The following CDH23 variants were observed in gnomAD, a reference collection of about 807,000 sequenced individuals.
The protein encoded by CDH23 is cadherin-23.
A neutral mutation model predicts 317.1 loss-of-function variants in CDH23; 189 were observed. The ratio of observed to expected loss-of-function variants is 0.60; its 90% CI spans 0.53 to 0.67. CDH23 has a LOEUF of 0.67. CDH23 is among the 30% of genes least tolerant of loss of function. The pLI, the probability that CDH23 is intolerant of heterozygous loss-of-function variation, is 0.00. For synonymous variants in CDH23, 1,839 were observed against 1,876.8 expected (o/e 0.98, Z 0.52); for missense variants, 4,401 against 4,592.4 (o/e 0.96, Z 1.20).
At chr10:71,698,742 T>A (rs1865482555) in intron 22 of CDH23, among the ~76,000 whole-genome samples, 2 of 152,256 alleles carry the variant, frequency 1.3e-5, no homozygotes, top group South Asian at 4.1e-4. Flanking sequence ...AAAGTAGCTC[T>A]GACCCCTCTC....
Position 71,690,499 on chromosome 10 carries a change from C to G in CDH23, c.2091C>G (p.Asp697Glu). Residue 697 changes from aspartate (D) to glutamate (E), a missense_variant, in exon 20 of 70, where the codon GAC becomes GAG. Transcript: ENST00000224721. ...CGGTGCTGTTCCTGAATGCCACAGA[C>G]CTGGACCGCTCCCGGGAGTACGGCC... Reference protein sequence around the residue: ...GATVLFLNATDLDRSREYGQE... With the variant: ...GATVLFLNATELDRSREYGQE... 1 of 1,610,570 alleles carries G rather than the reference C, an allele frequency of 6.2e-7. No homozygotes were observed. Among genetic ancestry groups the G allele is most frequent in the East Asian group, 2.2e-5 (1 of 44,796 alleles).
At chr10:71,539,532 CA>C (rs1251786892) in intron 6 of CDH23, among the ~76,000 whole-genome samples, 1 of 151,748 alleles carries the variant, frequency 6.6e-6, no homozygotes. Context: ...CTAAATGATG[CA>C]AAACTAGAGA....
At chr10:71,517,165 C>G (rs892720523) in intron 6 of CDH23, among the ~76,000 whole-genome samples, 1 of 152,226 alleles carries the variant, frequency 6.6e-6, no homozygotes, top group African/African-American at 2.4e-5. Context: ...GTACTTTGCT[C>G]GGCCAGCTGG....
In CDH23 at chr10:71,532,921, G is replaced by A. The variant is rs149744273; in HGVS notation, c.429+21709G>A. Among the ~76,000 whole-genome samples the A allele has an allele frequency of 1.0e-3, 156 of 152,034 alleles. 3 individuals carry two copies. In the East Asian group the frequency reaches 0.026, roughly 25 times the overall value. ...ATTTTTTGTATTTTTTAATAGAGACGGGGTTTCACCATGTGGGCCAGGCTG... is the reference window on the plus strand; with the variant it reads ...ATTTTTTGTATTTTTTAATAGAGACAGGGTTTCACCATGTGGGCCAGGCTG... On this transcript the variant is annotated intron_variant, in intron 6 of 69. Transcript: ENST00000224721.
At chr10:71,469,217 C>G (rs1851394549) in intron 3 of CDH23, among the ~76,000 whole-genome samples, 1 of 152,240 alleles carries the variant, frequency 6.6e-6, no homozygotes, top group Non-Finnish European at 1.5e-5. Flanking sequence ...GGCACACGCC[C>G]TTGAAACCAT....
At chr10:71,794,242 A>T (rs1841344373) in intron 48 of CDH23, among the ~76,000 whole-genome samples, 1 of 152,168 alleles carries the variant, frequency 6.6e-6, no homozygotes, top group Non-Finnish European at 1.5e-5. Flanking sequence ...ACCTCAGGTG[A>T]TCCACCTGCC....
intron 34 of CDH23, among the ~76,000 whole-genome samples, chr10:71,737,144 G>A (rs1468696740): frequency 1.3e-5 from 2 of 152,096 alleles, no homozygotes; most frequent in African/African-American, 2.4e-5. Flanking sequence ...ATTTCAAATG[G>A]GCGGACTGGG....
chr10:71,431,618 T>A (rs1849375686), intron 1 of CDH23, among the ~76,000 whole-genome samples: 2 of 152,274 alleles, frequency 1.3e-5, no homozygotes, highest in Admixed American at 6.5e-5. Context: ...TATTCAAAGT[T>A]GAGTGCATCT....
chr10:71,441,210 A>T (rs74144965), intron 2 of CDH23, among the ~76,000 whole-genome samples: 2,961 of 152,156 alleles, frequency 0.019, 110 homozygotes, highest in African/African-American at 0.066. Flanking sequence ...GTTATCCTCC[A>T]TGGGGGCTTC....
chr10:71,512,572 T>C (rs1292222906), intron 6 of CDH23, among the ~76,000 whole-genome samples: 3 of 152,204 alleles, frequency 2.0e-5, no homozygotes, highest in Admixed American at 1.3e-4. Context: ...CTTGGACCCA[T>C]TGCTCAGCTG....
In CDH23 at chr10:71,811,733, C is replaced by A. The variant is rs1239426062; in HGVS notation, c.9299C>A (p.Ala3100Asp). The change falls in exon 65 of 70, where the codon GCC (alanine) becomes GAC (aspartate). Residue 3100 changes from alanine to aspartate, a missense_variant. Transcript: ENST00000224721. The part of the protein sequence containing the change: ...YRTVHKRKLK[A>D]IVAGSAGNRG... ...TCCAGACACAAGAGGAAGCTCAAGGCCATTGTGGCTGGCTCAGCTGGTAAG... is the reference window on the plus strand; with the variant it reads ...TCCAGACACAAGAGGAAGCTCAAGGACATTGTGGCTGGCTCAGCTGGTAAG... 1.9e-6 allele frequency: 3 copies of A among 1,596,886 alleles called. No individual in the cohort carries two copies. Among genetic ancestry groups the A allele is most frequent in the Admixed American group, 3.6e-5 (2 of 56,294 alleles).
intron 6 of CDH23, among the ~76,000 whole-genome samples, chr10:71,525,596 CA>C (rs1490722720): frequency 6.6e-6 from 1 of 152,076 alleles, no homozygotes; most frequent in Non-Finnish European, 1.5e-5. Flanking sequence ...TGGTAGAGTC[CA>C]GGAACCCAGA....
chr10:71,752,165 C>A, intron 38 of CDH23: 1 of 525,024 alleles, frequency 1.9e-6, no homozygotes, highest in South Asian at 1.7e-5. Flanking sequence ...ACTTCTAGAA[C>A]TTCAGCCTCA....
intron 34 of CDH23, among the ~76,000 whole-genome samples, chr10:71,735,334 G>A (rs1326695899): frequency 6.6e-6 from 1 of 152,180 alleles, no homozygotes; most frequent in East Asian, 1.9e-4. Context: ...TGGGCCCCTG[G>A]GGGAGGGGGG....
intron 48 of CDH23, 149 bp downstream of exon 48, chr10:71,793,789 G>A (rs764407440): frequency 7.9e-5 from 51 of 645,734 alleles, no homozygotes; most frequent in Middle Eastern, 8.4e-4. Context: ...AACCAGAACC[G>A]TCCTTCTCTT....
chr10:71,725,254 C>A, intron 29 of CDH23, 118 bp from the exon 30 acceptor site: 1 of 1,520,842 alleles, frequency 6.6e-7, no homozygotes, highest in Non-Finnish European at 9.1e-7. Flanking sequence ...CCCAGAAGAC[C>A]CGCAGCCTCC....
intron 65 of CDH23, 56 bp downstream of exon 65, chr10:71,811,809 G>C: frequency 6.7e-7 from 1 of 1,493,348 alleles, no homozygotes; most frequent in Non-Finnish European, 8.9e-7. Flanking sequence ...TGGGGACCTG[G>C]AGTGCCCACC....
At chr10:71,576,080 G>A (rs11817992) in intron 8 of CDH23, among the ~76,000 whole-genome samples, 6 of 152,208 alleles carry the variant, frequency 3.9e-5, no homozygotes, top group Non-Finnish European at 8.8e-5. Flanking sequence ...CGCCCAGGGG[G>A]CCTCTGGGCA....
chr10:71,811,442 G>A lies in CDH23; in HGVS notation c.9198+7G>A, dbSNP rs761980521. ...TGACATGTCTGCCCTGCAGGTACCC[G>A]GCGACCGTGCCCCACAGCCCTAGCC... On this transcript the variant is annotated splice_region_variant and intron_variant, in intron 63 of 69. Transcript: ENST00000224721. The A allele has an allele frequency of 1.7e-5, 27 of 1,613,800 alleles. No homozygotes were observed. The highest frequency in any genetic ancestry group is 8.3e-5 in the Admixed American group (5 of 59,992).
Sources: allele counts gnomAD v4.1 joint callset (sites outside exome capture counted in the v4.1 genomes callset), GRCh38; gene constraint gnomAD v4.1.1; transcripts MANE v1.5; gene names NCBI Gene and HGNC (gene_info 2026-07-23, HGNC 2026-07-21).